The following DMBT1 variants were observed in gnomAD, a reference collection of about 807,000 sequenced individuals.
DMBT1 encodes scavenger receptor cysteine-rich domain-containing protein DMBT1.
DMBT1 carries 198 observed loss-of-function variants against 252.9 expected under a neutral mutation model. The ratio of observed to expected loss-of-function variants is 0.78; its 90% CI spans 0.70 to 0.88. DMBT1 has a LOEUF of 0.88. Ranked by LOEUF, DMBT1 falls within the 40% of genes least tolerant of loss-of-function variation. The pLI, the probability that DMBT1 is intolerant of heterozygous loss-of-function variation, is 0.00. For synonymous variants in DMBT1, 990 were observed against 942.7 expected (o/e 1.05, Z -0.92); for missense variants, 2,432 against 2,404.7 (o/e 1.01, Z -0.24).
At chr10:122,593,634 C>T (rs2097872116) in intron 21 of DMBT1, 36 bp downstream of exon 21, 1 of 1,576,910 alleles carries the variant, frequency 6.3e-7, no homozygotes, top group African/African-American at 1.3e-5. Context: ...AATGTCCCTT[C>T]TCTTTCTGCC....
intron 51 of DMBT1, 71 bp downstream of exon 51, chr10:122,632,961 A>T (rs2098178163): frequency 4.4e-6 from 7 of 1,600,612 alleles, no homozygotes; most frequent in Non-Finnish European, 6.0e-6. Context: ...TTCCTCAGTG[A>T]CAATGGGGCT....
intron 11 of DMBT1, 116 bp downstream of exon 11, chr10:122,581,011 C>T (rs2097763847): frequency 2.0e-6 from 3 of 1,478,608 alleles, no homozygotes; most frequent in Admixed American, 1.9e-5. Flanking sequence ...CATATTATTT[C>T]CACCCCCAAC....
chr10:122,566,136 G>T, intron 2 of DMBT1, 140 bp downstream of exon 2: 1 of 855,898 alleles, frequency 1.2e-6, no homozygotes. Context: ...CGGGGGGACA[G>T]GAGACGTGCG....
At chr10:122,633,363 TGCCTTGGG>T (rs1334983271) in intron 52 of DMBT1, 22 bp downstream of exon 52, 1 of 1,612,684 alleles carries the variant, frequency 6.2e-7, no homozygotes, top group Non-Finnish European at 8.5e-7. Context: ...CCCAGAAGAA[TGCCTTGGG>T]GCCCCACAGA....
In DMBT1 at chr10:122,625,269, C is replaced by T. The variant is rs2098109812; in HGVS notation, c.5609-8C>T. ...GGACTGACTCATGTTTTCTTCTTTT[C>T]CTTGCAGCCACCCAAATAAATTCTA... On this transcript the variant is annotated splice_region_variant and splice_polypyrimidine_tract_variant and intron_variant, in intron 44 of 55. Coordinates refer to ENST00000338354, the MANE Select transcript of DMBT1 (RefSeq NM_001377530.1). 1 of 1,610,440 alleles carries T rather than the reference C, an allele frequency of 6.2e-7. No homozygotes were observed. The highest frequency in any genetic ancestry group is 1.7e-5 in the Admixed American group (1 of 59,688).
chr10:122,587,996 A>T lies in DMBT1; in HGVS notation c.1784-948A>T, dbSNP rs1565709295. Among the ~76,000 whole-genome samples the T allele has an allele frequency of 2.0e-5, 3 of 148,592 alleles. 1 individual carries two copies. In the South Asian group the frequency reaches 6.8e-4, roughly 34 times the overall value. ...CTGGGCTGAAGAGTTGGGCAGACAC[A>T]TGGGGAGCAAGTGGCAAAAACCAGA... On this transcript the variant is annotated intron_variant, in intron 16 of 55. Coordinates refer to ENST00000338354, the MANE Select transcript of DMBT1 (RefSeq NM_001377530.1).
chr10:122,573,655 G>A, intron 5 of DMBT1, 60 bp from the exon 6 acceptor site: 1 of 1,599,434 alleles, frequency 6.3e-7, no homozygotes, highest in Non-Finnish European at 8.6e-7. Context: ...GCAAGCCCTG[G>A]ACCAACCCTC....
intron 54 of DMBT1, among the ~76,000 whole-genome samples, chr10:122,639,409 C>A (rs950680882): frequency 1.3e-5 from 2 of 151,264 alleles, no homozygotes; most frequent in South Asian, 2.1e-4. Flanking sequence ...AGAGAGTCAG[C>A]GAAGAGAGAT....
chr10:122,634,055 A>G (rs1480137076), intron 52 of DMBT1, among the ~76,000 whole-genome samples: 2 of 152,192 alleles, frequency 1.3e-5, no homozygotes, highest in East Asian at 1.9e-4. Flanking sequence ...GAGAATCGCT[A>G]GAGCCCTGGG....
At chr10:122,628,249 C>T (rs573120257) in intron 46 of DMBT1, among the ~76,000 whole-genome samples, 1 of 152,254 alleles carries the variant, frequency 6.6e-6, no homozygotes, top group South Asian at 2.1e-4. Context: ...TTCATAGTAG[C>T]CAAATGTGAA....
chr10:122,634,765 G>T (rs570996218), intron 52 of DMBT1, among the ~76,000 whole-genome samples: 1 of 152,196 alleles, frequency 6.6e-6, no homozygotes, highest in East Asian at 1.9e-4. Context: ...CCAAAGTGCT[G>T]GGATTACAGG....
intron 10 of DMBT1, 25 bp downstream of exon 10, chr10:122,579,926 A>G (rs767314597): frequency 1.2e-6 from 2 of 1,609,354 alleles, no homozygotes; most frequent in Non-Finnish European, 8.5e-7. Flanking sequence ...ACTTGGGCTC[A>G]CTCTCTTGGG....
chr10:122,590,775 T>C, intron 18 of DMBT1, 81 bp downstream of exon 18: 1 of 1,499,814 alleles, frequency 6.7e-7, no homozygotes, highest in Non-Finnish European at 9.2e-7. Flanking sequence ...AGAGCCCTCC[T>C]TCTTACCTGT....
chr10:122,586,566 A>G (rs28477709), intron 16 of DMBT1, among the ~76,000 whole-genome samples, 183 bp downstream of exon 16: 2,864 of 148,196 alleles, frequency 0.019, 28 homozygotes, highest in African/African-American at 0.065. Flanking sequence ...AGGAGGTCAG[A>G]GAGGACAATG....
intron 21 of DMBT1, 49 bp downstream of exon 21, chr10:122,593,647 A>G (rs2097872337): frequency 6.4e-7 from 1 of 1,551,718 alleles, no homozygotes; most frequent in Non-Finnish European, 8.8e-7. Flanking sequence ...TTTCTGCCCA[A>G]TCACCCCTTC....
chr10:122,574,563 C>T (rs1284671683), intron 6 of DMBT1, among the ~76,000 whole-genome samples: 1 of 152,176 alleles, frequency 6.6e-6, no homozygotes, highest in African/African-American at 2.4e-5. Flanking sequence ...CTTCCTCTTT[C>T]CTATGATGAA....
chr10:122,640,270 C>A lies in DMBT1; in HGVS notation c.7173C>A (p.Ser2391=). 1 of 1,614,004 alleles carries A rather than the reference C, an allele frequency of 6.2e-7. No individual in the cohort carries two copies. Among genetic ancestry groups the A allele is most frequent in the Non-Finnish European group, 8.5e-7 (1 of 1,179,902 alleles). The part of the protein sequence containing the change: ...NFDVNISFYT[S]SSFLYPVTSR... ...ACGTGAACATTTCCTTTTATACTTC[C>A]TCATCTTTCTTGTATCCTGTGACCA... The change falls in exon 55 of 56, where the codon TCC becomes TCA. Residue 2391 remains serine (S), a synonymous_variant. Coordinates refer to ENST00000338354, the MANE Select transcript of DMBT1 (RefSeq NM_001377530.1).
At chr10:122,577,662 G>A (rs1486301949) in intron 7 of DMBT1, 149 bp from the exon 8 acceptor site, 3 of 783,876 alleles carry the variant, frequency 3.8e-6, no homozygotes, top group South Asian at 1.9e-5. Context: ...GAGGGACCGA[G>A]GGCTTCACGG....
chr10:122,624,720 G>A (rs1482839913), intron 44 of DMBT1, among the ~76,000 whole-genome samples: 1 of 152,180 alleles, frequency 6.6e-6, no homozygotes, highest in Non-Finnish European at 1.5e-5. Flanking sequence ...TTTGATCAGG[G>A]CTCAGGACCC....
Sources: gnomAD v4.1 joint callset for allele counts (sites outside exome capture counted in the v4.1 genomes callset) on GRCh38, gnomAD v4.1.1 for gene constraint, MANE v1.5 for transcripts, NCBI Gene and HGNC (gene_info 2026-07-23, HGNC 2026-07-21) for gene names.